Variants in RPS6KC1 observed in about 807,000 individuals in gnomAD.
The protein encoded by RPS6KC1 is inactive ribosomal protein S6 kinase delta-1.
RPS6KC1 carries 54 observed loss-of-function variants against 103.8 expected under a neutral mutation model. The ratio of observed to expected loss-of-function variants is 0.52; its 90% CI spans 0.42 to 0.65. The LOEUF (loss-of-function observed/expected upper bound fraction) is 0.65. Among genes scored for constraint, RPS6KC1 ranks in the 30% least tolerant of loss-of-function variants. The pLI is 0.00. For missense variants in RPS6KC1, 1,151 were observed against 1,253.8 expected (o/e 0.92, Z 1.24); for synonymous variants, 439 against 438.7 (o/e 1.00, Z -0.01).
At chr1:213,776,721 T>C in the RPS6KC1 span, among the ~76,000 whole-genome samples, 719 of 152,322 alleles carry the variant, frequency 4.7e-3, no homozygotes, top group Non-Finnish European at 6.5e-3. Context: ...CTTTGAAGTT[T>C]TGAAACCAGA....
At chr1:213,559,981 T>A in the RPS6KC1 span, among the ~76,000 whole-genome samples, 1 of 152,190 alleles carries the variant, frequency 6.6e-6, no homozygotes, top group Non-Finnish European at 1.5e-5. Context: ...AAGCTACTTA[T>A]AGTATTTCAC....
chr1:213,296,256 T>C, the RPS6KC1 span, among the ~76,000 whole-genome samples: 1 of 152,236 alleles, frequency 6.6e-6, no homozygotes, highest in South Asian at 2.1e-4. Flanking sequence ...GGCTCACGAT[T>C]GGCCCTCAGA....
At chr1:213,135,707 G>A (rs566930983) in intron 6 of RPS6KC1, among the ~76,000 whole-genome samples, 1 of 152,234 alleles carries the variant, frequency 6.6e-6, no homozygotes, top group South Asian at 2.1e-4. Context: ...ATGCCACTTA[G>A]TCTTCTGTCT....
chr1:213,425,887 C>G, the RPS6KC1 span, among the ~76,000 whole-genome samples: 1 of 152,050 alleles, frequency 6.6e-6, no homozygotes, highest in Non-Finnish European at 1.5e-5. Flanking sequence ...TGGTGACCAG[C>G]GGGAAGGTGG....
chr1:213,387,640 A>G, the RPS6KC1 span, among the ~76,000 whole-genome samples: 1 of 152,200 alleles, frequency 6.6e-6, no homozygotes, highest in Non-Finnish European at 1.5e-5. Flanking sequence ...GGAACCTTCA[A>G]ATTTAGTGTT....
intron 3 of RPS6KC1, among the ~76,000 whole-genome samples, chr1:213,080,230 A>C (rs2079746616): frequency 6.6e-6 from 1 of 151,766 alleles, no homozygotes; most frequent in African/African-American, 2.4e-5. Flanking sequence ...TTTTTTCTTG[A>C]TTTAACAACT....
the RPS6KC1 span, among the ~76,000 whole-genome samples, chr1:213,464,548 T>A: frequency 6.6e-6 from 1 of 152,170 alleles, no homozygotes; most frequent in South Asian, 2.1e-4. Context: ...TTTAAAAAAA[T>A]ATATTATCTT....
At chr1:213,148,503 A>G (rs1248292364) in intron 6 of RPS6KC1, among the ~76,000 whole-genome samples, 3 of 152,188 alleles carry the variant, frequency 2.0e-5, no homozygotes, top group East Asian at 3.8e-4. Context: ...ATGTTGAGCC[A>G]TCTTTGCATC....
At chr1:213,169,263 T>C (rs2091269051) in intron 7 of RPS6KC1, among the ~76,000 whole-genome samples, 1 of 152,212 alleles carries the variant, frequency 6.6e-6, no homozygotes, top group Admixed American at 6.5e-5. Context: ...TTGTCAAAAC[T>C]GTACTAATCA....
the RPS6KC1 span, among the ~76,000 whole-genome samples, chr1:213,392,660 G>A: frequency 6.6e-6 from 1 of 152,168 alleles, no homozygotes; most frequent in Non-Finnish European, 1.5e-5. Flanking sequence ...TGCCTTCCCT[G>A]GCCCAGAGTT....
the RPS6KC1 span, among the ~76,000 whole-genome samples, chr1:213,407,438 G>A: frequency 2.6e-5 from 4 of 152,254 alleles, no homozygotes; most frequent in African/African-American, 7.2e-5. Context: ...GAGAGTGAGC[G>A]GAAATCATCC....
the RPS6KC1 span, among the ~76,000 whole-genome samples, chr1:213,542,873 G>C: frequency 6.6e-6 from 1 of 152,220 alleles, no homozygotes; most frequent in Non-Finnish European, 1.5e-5. Flanking sequence ...TCACTGGAAA[G>C]ATATAGCTTG....
At chr1:213,548,105 A>T in the RPS6KC1 span, among the ~76,000 whole-genome samples, 1 of 152,230 alleles carries the variant, frequency 6.6e-6, no homozygotes, top group African/African-American at 2.4e-5. Flanking sequence ...TTGCAATTAA[A>T]TAGAATGCAT....
At chr1:213,149,425 G>T (rs1053391253) in intron 6 of RPS6KC1, among the ~76,000 whole-genome samples, 6 of 152,066 alleles carry the variant, frequency 3.9e-5, no homozygotes, top group African/African-American at 1.4e-4. Context: ...GGAACATATT[G>T]TTTAATTTCC....
the RPS6KC1 span, among the ~76,000 whole-genome samples, chr1:213,715,586 T>A: frequency 6.6e-6 from 1 of 152,172 alleles, no homozygotes; most frequent in African/African-American, 2.4e-5. Context: ...TCATGGTTCA[T>A]ATCTTAGCTG....
the RPS6KC1 span, among the ~76,000 whole-genome samples, chr1:213,305,313 C>T: frequency 3.9e-5 from 6 of 152,202 alleles, no homozygotes; most frequent in East Asian, 1.9e-4. Context: ...GAACTCCTGA[C>T]GTCAGGTGAT....
chr1:213,433,208 C>T, the RPS6KC1 span, among the ~76,000 whole-genome samples: 1 of 152,200 alleles, frequency 6.6e-6, no homozygotes, highest in African/African-American at 2.4e-5. Flanking sequence ...AGAAATATTG[C>T]ATCTCTCTGA....
chr1:213,776,405 C>T, the RPS6KC1 span, among the ~76,000 whole-genome samples: 2 of 152,026 alleles, frequency 1.3e-5, no homozygotes, highest in Admixed American at 1.3e-4. Context: ...AGACAACAAT[C>T]ATCTCCTTGT....
the RPS6KC1 span, among the ~76,000 whole-genome samples, chr1:213,836,824 G>A: frequency 6.6e-5 from 10 of 152,132 alleles, no homozygotes; most frequent in Admixed American, 3.9e-4. Flanking sequence ...GCTCACTAAC[G>A]TGTCAGGACC....
Sources: gnomAD v4.1 joint callset for allele counts (sites outside exome capture counted in the v4.1 genomes callset) on GRCh38, gnomAD v4.1.1 for gene constraint, MANE v1.5 for transcripts, NCBI Gene and HGNC (gene_info 2026-07-23, HGNC 2026-07-21) for gene names.